The following JHY variants were observed in gnomAD, a reference collection of about 807,000 sequenced individuals.
JHY encodes the protein jhy protein homolog.
In JHY, 69 loss-of-function variants were observed where a neutral mutation model predicts 78.0. The ratio of observed to expected loss-of-function variants is 0.88; its 90% CI spans 0.73 to 1.08. JHY has a LOEUF of 1.08. JHY is among the 50% of genes least tolerant of loss of function. JHY has a pLI of 0.00. For synonymous variants in JHY, 368 were observed against 342.6 expected (o/e 1.07, Z -0.82); for missense variants, 944 against 927.8 (o/e 1.02, Z -0.23).
At position 122,883,546 on chromosome 11, in the gene JHY, C is replaced by T. The variant is rs1349893130; in HGVS notation, c.-90+574C>T. ...ATCGCTGTCTTGTTTATTCAGGAGA[C>T]TAGTCACCTCTCTTGGTCAGAAATT... On this transcript the variant is annotated intron_variant, in intron 1 of 8. Coordinates refer to ENST00000227349, the MANE Select transcript of JHY (RefSeq NM_024806.4). The surrounding 1 kb of genome is among the most constrained non-coding windows in gnomAD (Gnocchi z 4.4). Among the ~76,000 whole-genome samples the T allele has an allele frequency of 6.6e-6, 1 of 151,932 alleles. No individual in the cohort carries two copies. Among genetic ancestry groups the T allele is most frequent in the Non-Finnish European group, 1.5e-5 (1 of 67,992 alleles).
rs61904389 is a variant in JHY, at chr11:122,955,255, G to T, written c.1930-1241G>T. 4.2e-3 allele frequency among the ~76,000 whole-genome samples: 636 copies of T among 152,110 alleles called. 4 individuals carry two copies. The highest frequency in any genetic ancestry group is 7.2e-3 in the Non-Finnish European group (493 of 68,002). On this transcript the variant is annotated intron_variant, in intron 6 of 8. Transcript: ENST00000227349. Reference sequence around the variant, plus strand: ...CCTGCCTCAGCCCCCCGAGTAGCTGGGATTACAGGTGCCTGCCACCACGCC... The same window carrying T: ...CCTGCCTCAGCCCCCCGAGTAGCTGTGATTACAGGTGCCTGCCACCACGCC...
intron 6 of JHY, among the ~76,000 whole-genome samples, chr11:122,953,290 T>C (rs1864129830): frequency 6.6e-6 from 1 of 152,012 alleles, no homozygotes; most frequent in African/African-American, 2.4e-5. Context: ...TGTACTATAG[T>C]ACTAAAATGC....
Position 122,946,759 on chromosome 11 carries a change from G to C in JHY, c.1896G>C (p.Lys632Asn). The change falls in exon 6 of 9, where the codon AAG becomes AAC. Residue 632 changes from lysine to asparagine, a missense_variant. Lys to Asn is a moderately conservative substitution (Grantham distance 94). Coordinates refer to ENST00000227349, the MANE Select transcript of JHY (RefSeq NM_024806.4). ...AAGGCTATCTGTTTCAACTGGAAAAGGGAAAAAAGCATAAGAAAAGAAGCA... is the reference window on the plus strand; with the variant it reads ...AAGGCTATCTGTTTCAACTGGAAAACGGAAAAAAGCATAAGAAAAGAAGCA... ...NSEGYLFQLEKGKKHKKRSSS... is the reference protein window; with the variant it reads ...NSEGYLFQLENGKKHKKRSSS... 1 of 1,610,298 alleles carries C rather than the reference G, an allele frequency of 6.2e-7. No individual in the cohort carries two copies. Among genetic ancestry groups the C allele is most frequent in the Non-Finnish European group, 8.5e-7 (1 of 1,179,012 alleles).
chr11:122,933,420 T>C (rs1863676663), intron 4 of JHY, among the ~76,000 whole-genome samples: 1 of 152,250 alleles, frequency 6.6e-6, no homozygotes, highest in South Asian at 2.1e-4. Context: ...CAGCTAGTTT[T>C]CCACGAAGTA....
At position 122,961,073 on chromosome 11, in the gene JHY, A is replaced by G; in HGVS notation, c.*1628A>G. The G allele has an allele frequency of 9.7e-7, 1 of 1,030,294 alleles. No homozygotes were observed. The highest frequency in any genetic ancestry group is 1.5e-6 in the Non-Finnish European group (1 of 664,824). The allele number at this position is 1,030,294 out of a possible 1,614,324, so 63.8% of individuals were successfully genotyped here. A position where few individuals can be genotyped will look rare whatever the true frequency, so the allele number is the denominator to read the frequency against. On this transcript the variant is annotated 3_prime_UTR_variant, in exon 9 of 9. Coordinates refer to ENST00000227349, the MANE Select transcript of JHY (RefSeq NM_024806.4). ...AGCTGTTGGCAAAGAAGACTCATGCACAGCCAGTTATGTAAATGTATCTAT... is the reference window on the plus strand; with the variant it reads ...AGCTGTTGGCAAAGAAGACTCATGCGCAGCCAGTTATGTAAATGTATCTAT...
At chr11:122,919,469 C>T (rs1863311822) in intron 3 of JHY, among the ~76,000 whole-genome samples, 1 of 151,644 alleles carries the variant, frequency 6.6e-6, no homozygotes, top group Non-Finnish European at 1.5e-5. Context: ...GCCCCTGGCG[C>T]ATCAGCGAAA....
chr11:122,961,867 CT>C lies in JHY; in HGVS notation c.*2423del, dbSNP rs1363883415. Among the ~76,000 whole-genome samples the C allele has an allele frequency of 5.9e-5, 9 of 152,166 alleles. No individual in the cohort carries two copies. Among genetic ancestry groups the C allele is most frequent in the African/African-American group, 1.7e-4 (7 of 41,446 alleles). On this transcript the variant is annotated 3_prime_UTR_variant, in exon 9 of 9. Transcript: ENST00000227349. ...AGATAGAACAAATCCTAATGTTGTT[CT>C]AACAGAGCATCAAGACATTAGTTAG...
At chr11:122,884,929 A>C (rs934805574) in intron 1 of JHY, among the ~76,000 whole-genome samples, 4 of 151,116 alleles carry the variant, frequency 2.6e-5, no homozygotes, top group Admixed American at 2.0e-4. Flanking sequence ...TCTCCCGAGT[A>C]GCTGGGACTA....
In JHY at chr11:122,934,989, CATAA is replaced by C; in HGVS notation, c.1552_1555del (p.Asn518LeufsTer23). 1 of 1,613,580 alleles carries C rather than the reference CATAA, an allele frequency of 6.2e-7. No individual in the cohort carries two copies. The highest frequency in any genetic ancestry group is 8.5e-7 in the Non-Finnish European group (1 of 1,179,756). ...AGAAAGGCTCTCAGTTTGTTTATCA[CATAA>C]ATACTCATGGATCAACCAAAAATAA... On this transcript the variant is annotated frameshift_variant, in exon 5 of 9. Transcript: ENST00000227349. LOFTEE classifies it high-confidence loss of function.
At chr11:122,933,798 G>T (rs903659039) in intron 4 of JHY, among the ~76,000 whole-genome samples, 1 of 152,144 alleles carries the variant, frequency 6.6e-6, no homozygotes, top group Non-Finnish European at 1.5e-5. Flanking sequence ...TACTTGGTTT[G>T]TAAAGCAAAT....
At chr11:122,930,753 A>C (rs547715943) in intron 4 of JHY, among the ~76,000 whole-genome samples, 12 of 152,300 alleles carry the variant, frequency 7.9e-5, no homozygotes, top group Non-Finnish European at 1.6e-4. Context: ...GACTGAATGC[A>C]GTATGTTTAA....
chr11:122,956,987 A>ATGTGTTTT (rs1461541058), intron 7 of JHY, among the ~76,000 whole-genome samples: 3 of 152,192 alleles, frequency 2.0e-5, no homozygotes, highest in Non-Finnish European at 4.4e-5. Flanking sequence ...CCTCTAGTGA[A>ATGTGTTTT]AGGAGATCTT....
At chr11:122,953,859 T>C (rs1172340576) in intron 6 of JHY, among the ~76,000 whole-genome samples, 1 of 152,228 alleles carries the variant, frequency 6.6e-6, no homozygotes, top group East Asian at 1.9e-4. Flanking sequence ...CTTGTTTTAC[T>C]TTTTAGAATT....
intron 3 of JHY, among the ~76,000 whole-genome samples, chr11:122,911,542 TAAG>T (rs1413023862): frequency 6.6e-6 from 1 of 152,120 alleles, no homozygotes; most frequent in Admixed American, 6.5e-5. Flanking sequence ...ACGGCAAAGA[TAAG>T]AACCATGTAA....
chr11:122,927,610 C>T (rs1399621039), intron 4 of JHY, among the ~76,000 whole-genome samples: 1 of 152,208 alleles, frequency 6.6e-6, no homozygotes, highest in Non-Finnish European at 1.5e-5. Context: ...CCTCTCCCAC[C>T]CTGCTCCTCT....
intron 2 of JHY, among the ~76,000 whole-genome samples, chr11:122,894,264 G>A (rs1057055570): frequency 3.3e-5 from 5 of 152,018 alleles, no homozygotes; most frequent in East Asian, 3.9e-4. Flanking sequence ...CCAAGATCAC[G>A]CCGTTGCACT....
Position 122,963,735 on chromosome 11 carries a change from T to G in JHY, c.*4290T>G, listed in dbSNP as rs1181779240. ...TCTGCCAATTAGAAAACAAAAAACT[T>G]CAAACTTAAGTGATGTAATGATGGA... On this transcript the variant is annotated 3_prime_UTR_variant, in exon 9 of 9. Transcript: ENST00000227349. Among the ~76,000 whole-genome samples, 1 of 152,168 alleles carries G rather than the reference T, an allele frequency of 6.6e-6. No homozygotes were observed. Among genetic ancestry groups the G allele is most frequent in the Admixed American group, 6.5e-5 (1 of 15,272 alleles).
Position 122,961,499 on chromosome 11 carries a change from C to G in JHY, c.*2054C>G, listed in dbSNP as rs192173379. 6.6e-6 allele frequency among the ~76,000 whole-genome samples: 1 copy of G among 152,108 alleles called. No individual in the cohort carries two copies. The highest frequency in any genetic ancestry group is 1.5e-5 in the Non-Finnish European group (1 of 68,020). ...CCTCCCGAGTAGCCGAGATTGCAAGCGTGCACTACCACGCCCGGCTAATTT... is the reference window on the plus strand; with the variant it reads ...CCTCCCGAGTAGCCGAGATTGCAAGGGTGCACTACCACGCCCGGCTAATTT... On this transcript the variant is annotated 3_prime_UTR_variant, in exon 9 of 9. Coordinates refer to ENST00000227349, the MANE Select transcript of JHY (RefSeq NM_024806.4).
intron 4 of JHY, among the ~76,000 whole-genome samples, chr11:122,933,601 G>C (rs1029990220): frequency 6.6e-6 from 1 of 152,182 alleles, no homozygotes; most frequent in Admixed American, 6.6e-5. Flanking sequence ...CTAAGCGCAG[G>C]CTATATTAAG....
Sources: allele counts gnomAD v4.1 joint callset (sites outside exome capture counted in the v4.1 genomes callset), GRCh38; gene constraint gnomAD v4.1.1; non-coding constraint Gnocchi (gnomAD v3.1); transcripts MANE v1.5; gene names NCBI Gene and HGNC (gene_info 2026-07-23, HGNC 2026-07-21).